The following CASZ1 variants were observed in gnomAD, a reference collection of about 807,000 sequenced individuals.
The protein encoded by CASZ1 is zinc finger protein castor homolog 1.
In CASZ1, 28 loss-of-function variants were observed where a neutral mutation model predicts 135.2. That is an observed-to-expected ratio of 0.21 (90% confidence interval 0.15 to 0.28). The LOEUF (loss-of-function observed/expected upper bound fraction) is 0.28, where lower values mean the gene tolerates loss of function less well. Ranked by LOEUF, CASZ1 falls within the 10% of genes least tolerant of loss-of-function variation. The pLI, the probability that CASZ1 is intolerant of heterozygous loss-of-function variation, is 1.00. For missense variants in CASZ1, 2,161 were observed against 2,453.3 expected (o/e 0.88, Z 2.52); for synonymous variants, 1,068 against 1,073.4 (o/e 0.99, Z 0.10).
intron 1 of CASZ1, among the ~76,000 whole-genome samples, chr1:10,783,246 A>AGTGTGTGTGT (rs70997266): frequency 6.8e-6 from 1 of 148,044 alleles, no homozygotes; most frequent in African/African-American, 2.5e-5. Flanking sequence ...CCAGTGGAGA[A>AGTGTGTGTGT]GTGTGTGTGT....
In CASZ1 at chr1:10,700,028, GAGAGAGAC is replaced by G; in HGVS notation, c.-24+5456_-24+5463del. 6.6e-6 allele frequency among the ~76,000 whole-genome samples: 1 copy of G among 151,246 alleles called. No individual in the cohort carries two copies. The highest frequency in any genetic ancestry group is 2.1e-4 in the South Asian group (1 of 4,784). ...AGAGAAACAGAGACAGAGAAAGAGAGAGAGAGACAGAGAGAGAGAGAAAGAGAGACAGA... is the reference window on the plus strand; with the variant it reads ...AGAGAAACAGAGACAGAGAAAGAGAGAGAGAGAGAGAGAAAGAGAGACAGA... On this transcript the variant is annotated intron_variant, in intron 3 of 20. Coordinates refer to ENST00000377022, the MANE Select transcript of CASZ1 (RefSeq NM_001079843.3). This position sits in a 1 kb window ranked among gnomAD's most constrained non-coding sequence, Gnocchi z 4.2.
intron 2 of CASZ1, among the ~76,000 whole-genome samples, chr1:10,715,781 T>C (rs1570516544): frequency 9.3e-5 from 4 of 42,972 alleles, no homozygotes; most frequent in Non-Finnish European, 1.3e-4. Flanking sequence ...CAGCACCCAA[T>C]CCACACCCAC....
intron 2 of CASZ1, among the ~76,000 whole-genome samples, chr1:10,732,070 A>C (rs998323279): frequency 2.0e-5 from 3 of 152,026 alleles, no homozygotes; most frequent in African/African-American, 7.2e-5. Flanking sequence ...CATGCCTGTA[A>C]TCCCAGCACT....
Position 10,700,080 on chromosome 1 carries a change from G to GACACACACACACACAC in CASZ1, c.-24+5396_-24+5411dup, listed in dbSNP as rs572824153. Among the ~76,000 whole-genome samples the GACACACACACACACAC allele has an allele frequency of 0.051, 6,826 of 133,852 alleles. 242 individuals are homozygous for GACACACACACACACAC. Among genetic ancestry groups the GACACACACACACACAC allele is most frequent in the South Asian group, 0.066 (257 of 3,914 alleles). The allele number at this position is 133,852 out of a possible 152,430, so 87.8% of individuals were successfully genotyped here. On this transcript the variant is annotated intron_variant, in intron 3 of 20. Coordinates refer to ENST00000377022, the MANE Select transcript of CASZ1 (RefSeq NM_001079843.3). This position sits in a 1 kb window ranked among gnomAD's most constrained non-coding sequence, Gnocchi z 4.2. ...AGACAGAGAGAGAAAGAGAGATAGA[G>GACACACACACACACAC]ACACACACACACACACACACACACA...
intron 2 of CASZ1, among the ~76,000 whole-genome samples, chr1:10,731,727 A>C (rs1018434610): frequency 3.3e-5 from 5 of 152,214 alleles, no homozygotes; most frequent in Non-Finnish European, 7.3e-5. Flanking sequence ...GATAGTCTGC[A>C]AAGGCCCTTG....
intron 1 of CASZ1, among the ~76,000 whole-genome samples, chr1:10,761,938 C>T (rs72643214): frequency 4.1e-4 from 63 of 152,268 alleles, no homozygotes; most frequent in Admixed American, 2.1e-3. Context: ...TCCCCCTTTG[C>T]GGGAAGATTG....
intron 2 of CASZ1, among the ~76,000 whole-genome samples, chr1:10,722,264 C>T (rs963520922): frequency 6.6e-6 from 1 of 152,188 alleles, no homozygotes; most frequent in Non-Finnish European, 1.5e-5. Flanking sequence ...GACGGGCACC[C>T]CATTCTCAAA....
intron 20 of CASZ1, 85 bp from the exon 21 acceptor site, chr1:10,640,144 C>A (rs1010268702): frequency 6.6e-7 from 1 of 1,517,584 alleles, no homozygotes; most frequent in Non-Finnish European, 8.8e-7. Context: ...GACCCCTGAT[C>A]TGGCATGGCG....
At chr1:10,772,618 G>C (rs897893132) in intron 1 of CASZ1, among the ~76,000 whole-genome samples, 2 of 152,112 alleles carry the variant, frequency 1.3e-5, no homozygotes, top group Non-Finnish European at 2.9e-5. Context: ...GAGCATGCAG[G>C]CCCTCCTGTG....
rs1375522120 is a variant in CASZ1, at chr1:10,788,224, T to C, written c.-234+8340A>G. Reference sequence around the variant, plus strand: ...CCTTTGGCTTGGTGAGGGGCATCGCTACCTGAGCAGGTGGGGTTCCTCACA... The same window carrying C: ...CCTTTGGCTTGGTGAGGGGCATCGCCACCTGAGCAGGTGGGGTTCCTCACA... On this transcript the variant is annotated intron_variant, in intron 1 of 20. Transcript: ENST00000377022. The surrounding 1 kb of genome is among the most constrained non-coding windows in gnomAD (Gnocchi z 4.1). Among the ~76,000 whole-genome samples, 3 of 152,206 alleles carry C rather than the reference T, an allele frequency of 2.0e-5. No homozygotes were observed. Among genetic ancestry groups the C allele is most frequent in the African/African-American group, 7.2e-5 (3 of 41,458 alleles).
intron 1 of CASZ1, among the ~76,000 whole-genome samples, chr1:10,787,315 G>A (rs1640875610): frequency 6.6e-6 from 1 of 152,176 alleles, no homozygotes; most frequent in Non-Finnish European, 1.5e-5. Flanking sequence ...GTAGGGGAGT[G>A]GACAGTTAGA....
intron 2 of CASZ1, among the ~76,000 whole-genome samples, chr1:10,731,025 G>A (rs974551352): frequency 6.6e-6 from 1 of 152,048 alleles, no homozygotes; most frequent in African/African-American, 2.4e-5. Flanking sequence ...AGAATCACTT[G>A]AACCCGGGAG....
At chr1:10,734,664 AAGAG>A (rs1317433689) in intron 2 of CASZ1, among the ~76,000 whole-genome samples, 2 of 152,188 alleles carry the variant, frequency 1.3e-5, no homozygotes, top group African/African-American at 2.4e-5. Context: ...TAAAGAAAAA[AAGAG>A]AGAGAGAAAG....
At chr1:10,695,558 G>A (rs1204276089) in intron 3 of CASZ1, among the ~76,000 whole-genome samples, 5 of 109,458 alleles carry the variant, frequency 4.6e-5, no homozygotes, top group Non-Finnish European at 9.5e-5. Context: ...GGCCCATCCC[G>A]GCTCCTCCTC....
Position 10,666,574 on chromosome 1 carries a change from GC to G in CASZ1, c.17-1004del, listed in dbSNP as rs1643241513. Among the ~76,000 whole-genome samples, 2 of 152,284 alleles carry G rather than the reference GC, an allele frequency of 1.3e-5. No individual in the cohort carries two copies. The highest frequency in any genetic ancestry group is 4.2e-4 in the South Asian group (2 of 4,816). ...GGTCCCTCACGGAACGCCCCGAAGCGCCGGTCACAGCACCTAATCCCCGAAT... is the reference window on the plus strand; with the variant it reads ...GGTCCCTCACGGAACGCCCCGAAGCGCGGTCACAGCACCTAATCCCCGAAT... On this transcript the variant is annotated intron_variant, in intron 4 of 20. Transcript: ENST00000377022. The surrounding 1 kb of genome is among the most constrained non-coding windows in gnomAD (Gnocchi z 5.2).
rs1639416344 is a variant in CASZ1, at chr1:10,717,525, TAA to T, written c.-76-11983_-76-11982del. On this transcript the variant is annotated intron_variant, in intron 2 of 20. Transcript: ENST00000377022. This position sits in a 1 kb window ranked among gnomAD's most constrained non-coding sequence, Gnocchi z 4.6. ...TTATCGCACTGACACAAAGTGCATT[TAA>T]AGAGACAGACACCCTGTCCCTCCCT... is the stretch of plus-strand genomic sequence containing the variant. Among the ~76,000 whole-genome samples the T allele has an allele frequency of 6.6e-6, 1 of 152,152 alleles. No homozygotes were observed. The highest frequency in any genetic ancestry group is 1.5e-5 in the Non-Finnish European group (1 of 68,032).
At chr1:10,745,015 C>A (rs904131246) in intron 2 of CASZ1, among the ~76,000 whole-genome samples, 12 of 152,288 alleles carry the variant, frequency 7.9e-5, no homozygotes, top group South Asian at 2.1e-4. Flanking sequence ...GGCCACCTGA[C>A]CTTCTAGCCC....
chr1:10,754,447 C>A (rs1640208248), intron 2 of CASZ1, among the ~76,000 whole-genome samples: 1 of 152,106 alleles, frequency 6.6e-6, no homozygotes, highest in African/African-American at 2.4e-5. Context: ...CTTGGACCAC[C>A]ACCTCTTCCG....
In CASZ1 at chr1:10,660,223, C is replaced by T. The variant is rs759577336; in HGVS notation, c.819G>A (p.Leu273=). Residue 273 remains leucine, a synonymous_variant, in exon 6 of 21, where the codon CTG becomes CTA. Coordinates refer to ENST00000377022, the MANE Select transcript of CASZ1 (RefSeq NM_001079843.3). ...TGCTGCTGGGCAGCCGCAGGCCGGGCAGGGTGCCCACCACCTCCTTGCCCA... is the reference window on the plus strand; with the variant it reads ...TGCTGCTGGGCAGCCGCAGGCCGGGTAGGGTGCCCACCACCTCCTTGCCCA... ...ERVGKEVVGT[L]PGLRLPSSTA... 16 of 1,612,858 alleles carry T rather than the reference C, an allele frequency of 9.9e-6. No individual in the cohort carries two copies. Among genetic ancestry groups the T allele is most frequent in the African/African-American group, 2.7e-5 (2 of 74,922 alleles).
Sources: allele counts gnomAD v4.1 joint callset (sites outside exome capture counted in the v4.1 genomes callset), GRCh38; gene constraint gnomAD v4.1.1; non-coding constraint Gnocchi (gnomAD v3.1); transcripts MANE v1.5; gene names NCBI Gene and HGNC (gene_info 2026-07-23, HGNC 2026-07-21).